Variants in GLIPR2 observed in about 807,000 individuals in gnomAD.
The protein encoded by GLIPR2 is Golgi-associated plant pathogenesis-related protein 1.
Under a neutral mutation model 20.4 loss-of-function variants are expected in GLIPR2, and 21 were observed. The ratio of observed to expected loss-of-function variants is 1.03; its 90% CI spans 0.73 to 1.48. GLIPR2 has a LOEUF of 1.48. Among genes scored for constraint, GLIPR2 ranks in the 40% most tolerant of loss-of-function variants. GLIPR2 has a pLI of 0.00. For missense variants in GLIPR2, 205 were observed against 200.1 expected (o/e 1.02, Z -0.15); for synonymous variants, 91 against 80.5 (o/e 1.13, Z -0.70).
At chr9:36,136,637 G>T, upstream of GLIPR2, 1 of 578,796 alleles carries the variant, frequency 1.7e-6, no homozygotes, top group Non-Finnish European at 2.5e-6. The surrounding 1 kb of genome is among the most constrained non-coding windows in gnomAD (Gnocchi z 4.3). Flanking sequence ...GCCCTCAGCT[G>T]TCGCTCCTTA....
chr9:36,155,943 C>A (rs2132770798), intron 4 of GLIPR2, among the ~76,000 whole-genome samples: 1 of 152,234 alleles, frequency 6.6e-6, no homozygotes, highest in East Asian at 1.9e-4. Flanking sequence ...GGCACGGCAG[C>A]TCACACCTGT....
intron 4 of GLIPR2, among the ~76,000 whole-genome samples, chr9:36,155,031 A>T (rs2132767672): frequency 6.6e-6 from 1 of 152,350 alleles, no homozygotes; most frequent in Admixed American, 6.5e-5. Context: ...ACCCAAACGT[A>T]TTAAGAACCA....
chr9:36,138,051 A>G (rs1184540611), intron 1 of GLIPR2, among the ~76,000 whole-genome samples: 6 of 152,182 alleles, frequency 3.9e-5, no homozygotes, highest in Non-Finnish European at 5.9e-5. Context: ...GGGGTTCTTC[A>G]CAGTATGGAA....
intron 4 of GLIPR2, among the ~76,000 whole-genome samples, chr9:36,159,056 C>T (rs867702611): frequency 1.3e-5 from 2 of 152,012 alleles, no homozygotes; most frequent in South Asian, 4.1e-4. Context: ...CAGAGAGAGA[C>T]TCTGTCTCAA....
At chr9:36,151,706 T>C (rs1313395819) in intron 4 of GLIPR2, among the ~76,000 whole-genome samples, 1 of 152,134 alleles carries the variant, frequency 6.6e-6, no homozygotes, top group African/African-American at 2.4e-5. Flanking sequence ...AAGGCTTCCC[T>C]TGACGAAAGC....
rs1825441557 is a variant in GLIPR2 at position 36,148,582 on chromosome 9, A to G, written c.158A>G (p.Lys53Arg). ...GCCCTGGCCAGCACGAGGATCCTCA[A>G]GCACAGCCCGGAGTCCAGCCGTGGC... ...SEALASTRIL[K>R]HSPESSRGQC... is the part of the protein sequence containing the mutation. Residue 53 changes from lysine (K) to arginine (R), a missense_variant, in exon 3 of 5, where the codon AAG becomes AGG. Physicochemically the swap from Lys to Arg is conservative, Grantham distance 26. Coordinates refer to ENST00000377960, the MANE Select transcript of GLIPR2 (RefSeq NM_022343.4). The G allele has an allele frequency of 1.9e-6, 3 of 1,614,076 alleles. No homozygotes were observed. Among genetic ancestry groups the G allele is most frequent in the South Asian group, 1.1e-5 (1 of 91,080 alleles).
intron 4 of GLIPR2, among the ~76,000 whole-genome samples, chr9:36,158,965 T>C (rs1321250180): frequency 1.3e-5 from 2 of 152,126 alleles, no homozygotes; most frequent in African/African-American, 4.8e-5. Context: ...CTCAGGAGGC[T>C]GAGGCATGAG....
At chr9:36,138,053 A>G (rs1824907363) in intron 1 of GLIPR2, among the ~76,000 whole-genome samples, 1 of 152,206 alleles carries the variant, frequency 6.6e-6, no homozygotes, top group African/African-American at 2.4e-5. Context: ...GGTTCTTCAC[A>G]GTATGGAAAG....
intron 1 of GLIPR2, among the ~76,000 whole-genome samples, chr9:36,138,378 C>A (rs1824925851): frequency 6.6e-6 from 1 of 152,098 alleles, no homozygotes; most frequent in Non-Finnish European, 1.5e-5. Context: ...GTGTGCGCCA[C>A]CACGCCCAGC....
chr9:36,154,609 A>C (rs1052730536), intron 4 of GLIPR2, among the ~76,000 whole-genome samples: 9 of 152,210 alleles, frequency 5.9e-5, no homozygotes, highest in African/African-American at 1.9e-4. Flanking sequence ...TCATCCCTTT[A>C]GGAAAAAGAA....
At chr9:36,139,328 C>T (rs1398192916) in intron 1 of GLIPR2, among the ~76,000 whole-genome samples, 2 of 152,098 alleles carry the variant, frequency 1.3e-5, no homozygotes, top group African/African-American at 4.8e-5. Context: ...CACACACACC[C>T]AGGGACCTTG....
In GLIPR2 at chr9:36,150,942, G is replaced by A. The variant is rs1169182650; in HGVS notation, c.297G>A (p.Ser99=). The part of the protein sequence containing the change: ...NYNFQQPGFT[S]GTGHFTAMVW... Reference sequence around the variant, plus strand: ...ACTTCCAGCAGCCTGGCTTCACCTCGGGGACTGGTGAGTGGCAGGGTCTCA... The same window carrying A: ...ACTTCCAGCAGCCTGGCTTCACCTCAGGGACTGGTGAGTGGCAGGGTCTCA... The change falls in exon 4 of 5, where the codon TCG becomes TCA. Residue 99 remains serine, a synonymous_variant. Coordinates refer to ENST00000377960, the MANE Select transcript of GLIPR2 (RefSeq NM_022343.4). 2.5e-6 allele frequency: 4 copies of A among 1,612,394 alleles called. No individual in the cohort carries two copies. The highest frequency in any genetic ancestry group is 2.7e-5 in the African/African-American group (2 of 74,984).
At chr9:36,147,676 C>A in intron 1 of GLIPR2, 110 bp from the exon 2 acceptor site, 1 of 703,448 alleles carries the variant, frequency 1.4e-6, no homozygotes, top group Non-Finnish European at 2.7e-6. Context: ...GAGCAGCAGC[C>A]TGTCCACATG....
At chr9:36,148,055 C>T (rs1002606774) in intron 2 of GLIPR2, among the ~76,000 whole-genome samples, 161 bp downstream of exon 2, 1 of 152,180 alleles carries the variant, frequency 6.6e-6, no homozygotes, top group Non-Finnish European at 1.5e-5. Context: ...CAAGACTGGC[C>T]TGGCCAATAT....
In GLIPR2 at chr9:36,160,469, C is replaced by A. The variant is rs187881548; in HGVS notation, c.305-1893C>A. Among the ~76,000 whole-genome samples the A allele has an allele frequency of 2.0e-5, 3 of 151,314 alleles. No homozygotes were observed. In the East Asian group the frequency reaches 5.9e-4, roughly 30 times the overall value. ...GATCATGCCACTGAACTCCATCCAG[C>A]CTAGGTGACAGAGATCCTGTCAGAA... On this transcript the variant is annotated intron_variant, in intron 4 of 4. Coordinates refer to ENST00000377960, the MANE Select transcript of GLIPR2 (RefSeq NM_022343.4).
At chr9:36,151,408 G>A (rs1825579377) in intron 4 of GLIPR2, among the ~76,000 whole-genome samples, 1 of 152,154 alleles carries the variant, frequency 6.6e-6, no homozygotes, top group South Asian at 2.1e-4. Flanking sequence ...ATCAGGAGAA[G>A]GCTCAAGCTG....
intron 4 of GLIPR2, among the ~76,000 whole-genome samples, chr9:36,156,600 G>C (rs1825844200): frequency 6.6e-6 from 1 of 152,190 alleles, no homozygotes; most frequent in Non-Finnish European, 1.5e-5. Context: ...CTCCTGGGCA[G>C]TGGACCTGTA....
intron 4 of GLIPR2, among the ~76,000 whole-genome samples, chr9:36,156,069 G>A (rs904449857): frequency 6.6e-6 from 1 of 152,040 alleles, no homozygotes; most frequent in African/African-American, 2.4e-5. Flanking sequence ...AATTAGCCAG[G>A]CATGGTGGCG....
chr9:36,145,106 C>A (rs1421692390), intron 1 of GLIPR2: 2 of 152,280 alleles, frequency 1.3e-5, no homozygotes, highest in Non-Finnish European at 2.9e-5. Flanking sequence ...TGCCACTACC[C>A]ACAGCCAGTC....
Sources: allele counts gnomAD v4.1 joint callset (sites outside exome capture counted in the v4.1 genomes callset), GRCh38; gene constraint gnomAD v4.1.1; non-coding constraint Gnocchi (gnomAD v3.1); transcripts MANE v1.5; gene names NCBI Gene and HGNC (gene_info 2026-07-23, HGNC 2026-07-21).